The following AK9 variants were observed in gnomAD, a reference collection of about 807,000 sequenced individuals.
AK9 encodes adenylate kinase domain containing 1.
In AK9, 191 loss-of-function variants were observed where a neutral mutation model predicts 239.6. The ratio of observed to expected loss-of-function variants is 0.80; its 90% CI spans 0.71 to 0.90. AK9 has a LOEUF of 0.90. Ranked by LOEUF, AK9 falls within the 40% of genes least tolerant of loss-of-function variation. The pLI, the probability that AK9 is intolerant of heterozygous loss-of-function variation, is 0.00. For synonymous variants in AK9, 689 were observed against 721.0 expected (o/e 0.96, Z 0.71); for missense variants, 1,995 against 2,214.7 (o/e 0.90, Z 1.99).
chr6:109,589,359 T>G (rs1789921897), intron 17 of AK9, among the ~76,000 whole-genome samples: 1 of 152,206 alleles, frequency 6.6e-6, no homozygotes, highest in South Asian at 2.1e-4. Flanking sequence ...GATTGAGTTC[T>G]TGATTTTGTT....
intron 25 of AK9, among the ~76,000 whole-genome samples, chr6:109,547,017 T>C (rs912070256): frequency 5.9e-5 from 9 of 152,296 alleles, no homozygotes; most frequent in African/African-American, 1.7e-4. Flanking sequence ...TGGATTTGTG[T>C]AAAACAAGGC....
chr6:109,671,544 G>A (rs565637710), intron 5 of AK9, among the ~76,000 whole-genome samples: 16 of 152,098 alleles, frequency 1.1e-4, no homozygotes, highest in Non-Finnish European at 1.6e-4. Context: ...TCCCACTCCC[G>A]CCTTCTAAGT....
At chr6:109,511,597 T>C (rs58908708) in intron 32 of AK9, among the ~76,000 whole-genome samples, 3,165 of 152,248 alleles carry the variant, frequency 0.021, 100 homozygotes, top group African/African-American at 0.073. Flanking sequence ...CTGTTGTGTG[T>C]ATATTCCTTG....
At chr6:109,659,917 T>C (rs1800206892) in intron 6 of AK9, among the ~76,000 whole-genome samples, 1 of 152,196 alleles carries the variant, frequency 6.6e-6, no homozygotes, top group African/African-American at 2.4e-5. Flanking sequence ...TCTATTCTAG[T>C]ATAACATTTA....
chr6:109,645,807 G>C (rs1034954807), intron 8 of AK9, among the ~76,000 whole-genome samples: 1 of 152,208 alleles, frequency 6.6e-6, no homozygotes, highest in African/African-American at 2.4e-5. Flanking sequence ...CCTCCCAGTA[G>C]GGGCTCACTG....
intron 17 of AK9, among the ~76,000 whole-genome samples, chr6:109,608,628 A>G (rs536481437): frequency 2.6e-4 from 39 of 152,294 alleles, no homozygotes; most frequent in African/African-American, 9.4e-4. Context: ...TTTCCAGAAG[A>G]AAACCTAGGA....
chr6:109,599,031 T>G lies in AK9; in HGVS notation c.1842+11334A>C, dbSNP rs1791507395. On this transcript the variant is annotated intron_variant, in intron 17 of 40. Coordinates refer to ENST00000424296, the MANE Select transcript of AK9 (RefSeq NM_001145128.3). ...TTCTCCCATTCTGTAGGTTGCCTGT[T>G]CACTCTGATGGTAGTTTCTTTTGCT... is the stretch of plus-strand genomic sequence containing the variant. Among the ~76,000 whole-genome samples the G allele has an allele frequency of 2.0e-5, 3 of 152,238 alleles. 1 individual carries two copies. The South Asian group carries it at 6.2e-4, about 32-fold the overall frequency.
chr6:109,666,035 G>A (rs1801145443), intron 5 of AK9, among the ~76,000 whole-genome samples: 1 of 152,184 alleles, frequency 6.6e-6, no homozygotes, highest in East Asian at 1.9e-4. Flanking sequence ...TTTACTGATG[G>A]AAATGGCAGA....
At chr6:109,610,604 C>T in intron 16 of AK9, 91 bp from the exon 17 acceptor site, 1 of 1,310,034 alleles carries the variant, frequency 7.6e-7, no homozygotes, top group East Asian at 2.5e-5. Context: ...ATATCTGACC[C>T]AAGAAAGTAT....
chr6:109,651,331 C>T (rs573193835), intron 8 of AK9, among the ~76,000 whole-genome samples: 6 of 151,254 alleles, frequency 4.0e-5, no homozygotes, highest in East Asian at 3.9e-4. Context: ...GGGTACATAA[C>T]GAAATGAAGG....
At chr6:109,687,242 A>G (rs1885425) in intron 1 of AK9, among the ~76,000 whole-genome samples, 63,423 of 151,958 alleles carry the variant, frequency 0.42, 14,917 homozygotes, top group African/African-American at 0.64. Context: ...CCTAGAAGGT[A>G]CAAGATCAGA....
intron 5 of AK9, among the ~76,000 whole-genome samples, chr6:109,664,445 G>A (rs967272363): frequency 4.6e-5 from 7 of 151,884 alleles, no homozygotes; most frequent in African/African-American, 1.7e-4. Context: ...TTTATTTTGA[G>A]ACAGAATCTT....
intron 26 of AK9, 132 bp downstream of exon 26, chr6:109,545,735 T>TGAGGCTTTG (rs1783466555): frequency 1.8e-6 from 2 of 1,140,812 alleles, no homozygotes; most frequent in Middle Eastern, 3.0e-4. Flanking sequence ...CCAGGGAAGT[T>TGAGGCTTTG]GAGGCTTTGG....
intron 10 of AK9, among the ~76,000 whole-genome samples, chr6:109,640,079 C>A (rs573950647): frequency 1.3e-5 from 2 of 152,158 alleles, no homozygotes; most frequent in Non-Finnish European, 2.9e-5. Context: ...AGTCAGGTAG[C>A]GTGACGCCTC....
At chr6:109,633,390 A>G in intron 10 of AK9, 67 bp from the exon 11 acceptor site, 1 of 1,458,890 alleles carries the variant, frequency 6.9e-7, no homozygotes, top group Non-Finnish European at 9.2e-7. Context: ...AGCATTAAAT[A>G]TTTCATTTAT....
chr6:109,497,455 A>G lies in AK9; in HGVS notation c.5315+10T>C, dbSNP rs926738509. 2.6e-6 allele frequency: 4 copies of G among 1,527,034 alleles called. No individual in the cohort carries two copies. Among genetic ancestry groups the G allele is most frequent in the African/African-American group, 1.4e-5 (1 of 72,634 alleles). The allele number at this position is 1,527,034 out of a possible 1,614,324, so 94.6% of individuals were successfully genotyped here. A position where few individuals can be genotyped will look rare whatever the true frequency, so the allele number is the denominator to read the frequency against. On this transcript the variant is annotated intron_variant, in intron 38 of 40. Coordinates refer to ENST00000424296, the MANE Select transcript of AK9 (RefSeq NM_001145128.3). ...ATTTTCAGTAAATATTTGTGATTTA[A>G]TGGTCTCACCTCAAAAATTTCTGGA...
chr6:109,675,199 T>C (rs1035284414), intron 2 of AK9, among the ~76,000 whole-genome samples: 6 of 152,200 alleles, frequency 3.9e-5, no homozygotes, highest in African/African-American at 1.2e-4. Flanking sequence ...GCAAATCAAG[T>C]CTGAAATAAC....
intron 5 of AK9, among the ~76,000 whole-genome samples, chr6:109,664,633 C>T (rs1168581938): frequency 6.6e-6 from 1 of 151,826 alleles, no homozygotes; most frequent in Non-Finnish European, 1.5e-5. Context: ...CCATGTTGGC[C>T]AGGATGGTCT....
intron 29 of AK9, 128 bp downstream of exon 29, chr6:109,528,883 A>T (rs984127654): frequency 1.0e-5 from 15 of 1,471,596 alleles, no homozygotes; most frequent in Middle Eastern, 1.8e-4. Flanking sequence ...GCACTTTGAG[A>T]GGCTGAGGTG....
Sources: allele counts gnomAD v4.1 joint callset (sites outside exome capture counted in the v4.1 genomes callset), GRCh38; gene constraint gnomAD v4.1.1; transcripts MANE v1.5; gene names NCBI Gene and HGNC (gene_info 2026-07-23, HGNC 2026-07-21).